Variants in AGAP1 observed in about 807,000 individuals in gnomAD.
AGAP1 encodes arf-GAP with GTPase, ANK repeat and PH domain-containing protein 1.
Under a neutral mutation model 105.3 loss-of-function variants are expected in AGAP1, and 29 were observed. That is an observed-to-expected ratio of 0.28 (90% CI 0.21 to 0.38). The LOEUF (loss-of-function observed/expected upper bound fraction) is 0.38. Ranked by LOEUF, AGAP1 falls within the 10% of genes least tolerant of loss-of-function variation. AGAP1 has a pLI of 1.00. For missense variants in AGAP1, 998 were observed against 1,165.1 expected (o/e 0.86, Z 2.09); for synonymous variants, 509 against 485.9 (o/e 1.05, Z -0.63).
chr2:235,592,737 G>A (rs889532759), intron 1 of AGAP1, among the ~76,000 whole-genome samples: 1 of 152,178 alleles, frequency 6.6e-6, no homozygotes, highest in Non-Finnish European at 1.5e-5. Context: ...CAGTCCCAAA[G>A]CCTGTATCTG....
chr2:235,935,868 T>C (rs1303211575), intron 12 of AGAP1, among the ~76,000 whole-genome samples: 2 of 152,140 alleles, frequency 1.3e-5, no homozygotes, highest in Non-Finnish European at 2.9e-5. Flanking sequence ...TACTTGGCCG[T>C]CCTGTCTTAC....
intron 9 of AGAP1, among the ~76,000 whole-genome samples, chr2:235,840,639 TG>T (rs1229067237): frequency 2.6e-5 from 4 of 152,052 alleles, no homozygotes; most frequent in African/African-American, 9.7e-5. Context: ...AGAGAGAGCC[TG>T]GTGGGCTCTC....
rs142537777 is a variant in AGAP1 at position 235,562,143 on chromosome 2, C to T, written c.163+67294C>T. 3.3e-3 allele frequency among the ~76,000 whole-genome samples: 510 copies of T among 152,310 alleles called. 6 individuals carry two copies. The highest frequency in any genetic ancestry group is 0.011 in the African/African-American group (437 of 41,580). Reference sequence around the variant, plus strand: ...CTAAAGGAAATCAGTTTTTAGTTAACTTTTAAGGCTATTCACCATGATTTA... The same window carrying T: ...CTAAAGGAAATCAGTTTTTAGTTAATTTTTAAGGCTATTCACCATGATTTA... On this transcript the variant is annotated intron_variant, in intron 1 of 17. Transcript: ENST00000304032.
Position 235,872,468 on chromosome 2 carries a change from A to C in AGAP1, c.1051-10877A>C, listed in dbSNP as rs2049492805. ...TGCCGCTGGCCCTGGGTTATGCAGA[A>C]TCAAAAAGACTTAGGATCACAGGGG... On this transcript the variant is annotated intron_variant, in intron 9 of 17. Transcript: ENST00000304032. The surrounding 1 kb of genome is among the most constrained non-coding windows in gnomAD (Gnocchi z 4.5). Among the ~76,000 whole-genome samples the C allele has an allele frequency of 6.6e-6, 1 of 152,162 alleles. No individual in the cohort carries two copies. The highest frequency in any genetic ancestry group is 1.5e-5 in the Non-Finnish European group (1 of 68,032).
At chr2:236,067,448 T>C (rs913032008) in intron 16 of AGAP1, among the ~76,000 whole-genome samples, 1 of 152,156 alleles carries the variant, frequency 6.6e-6, no homozygotes, top group Non-Finnish European at 1.5e-5. Flanking sequence ...TTAAAAATTA[T>C]AATGAAAAAT....
intron 1 of AGAP1, among the ~76,000 whole-genome samples, chr2:235,666,994 A>G (rs962943001): frequency 2.6e-5 from 4 of 151,966 alleles, no homozygotes; most frequent in African/African-American, 9.7e-5. Context: ...CTATCTTTCC[A>G]CGTTGCTGTT....
chr2:235,519,026 A>G (rs1254238634), intron 1 of AGAP1, among the ~76,000 whole-genome samples: 1 of 152,158 alleles, frequency 6.6e-6, no homozygotes, highest in Admixed American at 6.5e-5. Flanking sequence ...ACTATTCACA[A>G]CAGCAATTTG....
rs1449989830 is a variant in AGAP1 at position 235,869,311 on chromosome 2, A to G, written c.1051-14034A>G. Among the ~76,000 whole-genome samples the G allele has an allele frequency of 2.0e-5, 3 of 148,398 alleles. No homozygotes were observed. In the Admixed American group the frequency reaches 2.1e-4, roughly 10 times the overall value. ...TAAAACAGTACCATTTTGGCCAGGTATGGTGGCTCACGCCTGTAATCCCAG... is the reference window on the plus strand; with the variant it reads ...TAAAACAGTACCATTTTGGCCAGGTGTGGTGGCTCACGCCTGTAATCCCAG... On this transcript the variant is annotated intron_variant, in intron 9 of 17. Transcript: ENST00000304032.
At position 235,690,292 on chromosome 2, in the gene AGAP1, C is replaced by T. The variant is rs1229794592; in HGVS notation, c.164-18887C>T. Among the ~76,000 whole-genome samples, 1 of 151,912 alleles carries T rather than the reference C, an allele frequency of 6.6e-6. No individual in the cohort carries two copies. Among genetic ancestry groups the T allele is most frequent in the Non-Finnish European group, 1.5e-5 (1 of 67,992 alleles). ...CTCTGACCCTCCCTCCGCACCCCAC[C>T]CTTTAAAGGTGAAAGCAGCAGGTGG... On this transcript the variant is annotated intron_variant, in intron 1 of 17. Transcript: ENST00000304032. The surrounding 1 kb of genome is among the most constrained non-coding windows in gnomAD (Gnocchi z 4.1).
chr2:235,496,432 T>TG (rs915147405), intron 1 of AGAP1, among the ~76,000 whole-genome samples: 17 of 152,180 alleles, frequency 1.1e-4, no homozygotes, highest in African/African-American at 3.9e-4. Flanking sequence ...GATCAGGTGG[T>TG]GTTGCAGCAA....
intron 12 of AGAP1, among the ~76,000 whole-genome samples, chr2:235,937,498 T>A (rs1163644018): frequency 6.6e-6 from 1 of 152,168 alleles, no homozygotes; most frequent in Non-Finnish European, 1.5e-5. Context: ...TGCCCCATGA[T>A]CAAAACCGAA....
At chr2:235,925,700 G>A (rs1227131775) in intron 11 of AGAP1, among the ~76,000 whole-genome samples, 2 of 152,266 alleles carry the variant, frequency 1.3e-5, no homozygotes, top group African/African-American at 2.4e-5. Context: ...TTGACTGTCG[G>A]CGGCCACGTG....
chr2:235,499,370 G>A (rs1941466640), intron 1 of AGAP1, among the ~76,000 whole-genome samples: 1 of 152,196 alleles, frequency 6.6e-6, no homozygotes. Flanking sequence ...ATTTAGTCCG[G>A]TTGATGCAGG....
chr2:235,952,209 T>A (rs919256225), intron 12 of AGAP1, among the ~76,000 whole-genome samples: 2 of 150,528 alleles, frequency 1.3e-5, no homozygotes, highest in African/African-American at 4.8e-5. Context: ...GCAGAGGAAG[T>A]TAGAGGTGAA....
intron 10 of AGAP1, among the ~76,000 whole-genome samples, chr2:235,890,394 C>T (rs2050480472): frequency 1.3e-5 from 2 of 152,106 alleles, no homozygotes; most frequent in South Asian, 4.1e-4. Context: ...TCAAGTGATC[C>T]ACCCGCCTCA....
At chr2:235,947,321 C>T (rs2053544264) in intron 12 of AGAP1, among the ~76,000 whole-genome samples, 1 of 152,138 alleles carries the variant, frequency 6.6e-6, no homozygotes, top group African/African-American at 2.4e-5. Flanking sequence ...CAGAGCATAC[C>T]ATGTTTGGTT....
At chr2:236,064,789 G>T (rs1046175291) in intron 16 of AGAP1, among the ~76,000 whole-genome samples, 1 of 152,310 alleles carries the variant, frequency 6.6e-6, no homozygotes, top group East Asian at 1.9e-4. Context: ...TTCTTTGGGG[G>T]TGTGGAAGGA....
intron 12 of AGAP1, among the ~76,000 whole-genome samples, chr2:235,954,149 G>A (rs1157599793): frequency 6.6e-6 from 1 of 151,752 alleles, no homozygotes; most frequent in Non-Finnish European, 1.5e-5. Context: ...TGAGGCAGGA[G>A]AATCGCTTGA....
chr2:235,839,002 C>T (rs913480017), intron 9 of AGAP1, among the ~76,000 whole-genome samples: 6 of 152,112 alleles, frequency 3.9e-5, no homozygotes, highest in Non-Finnish European at 7.4e-5. Flanking sequence ...CGCGGGTGTA[C>T]GTGAGGTTTA....
Sources: gnomAD v4.1 joint callset for allele counts (sites outside exome capture counted in the v4.1 genomes callset) on GRCh38, gnomAD v4.1.1 for gene constraint, Gnocchi (gnomAD v3.1) non-coding constraint, MANE v1.5 for transcripts, NCBI Gene and HGNC (gene_info 2026-07-23, HGNC 2026-07-21) for gene names.